Variants in MXRA7 observed in about 807,000 individuals in gnomAD.
MXRA7 encodes the protein matrix remodeling associated 7.
A neutral mutation model predicts 17.4 loss-of-function variants in MXRA7; 18 were observed. That is an observed-to-expected ratio of 1.03 (90% CI 0.71 to 1.53). The LOEUF (loss-of-function observed/expected upper bound fraction) is 1.53, where lower values mean the gene tolerates loss of function less well. Ranked by LOEUF, MXRA7 falls within the 40% of genes most tolerant of loss-of-function variation. MXRA7 has a pLI of 0.00. For synonymous variants in MXRA7, 70 were observed against 101.7 expected, an observed-to-expected ratio of 0.69 and a Z score of 1.87; for missense variants, 141 against 209.3, an observed-to-expected ratio of 0.67 and a Z score of 2.01.
At position 76,701,090 on chromosome 17, in the gene MXRA7, G is replaced by A. The variant is rs376221849; in HGVS notation, c.342+9515C>T. On this transcript the variant is annotated intron_variant, in intron 1 of 3. Coordinates refer to ENST00000449428, the MANE Select transcript of MXRA7 (RefSeq NM_198530.4). ...ACGCGGAGGGCTGTGAGCAGGGGCC[G>A]GGGGGTGTGCTCTCTGCGCTAGGAA... 3.2e-4 allele frequency among the ~76,000 whole-genome samples: 49 copies of A among 152,160 alleles called. 1 individual carries two copies. In the South Asian group the frequency reaches 9.1e-3, roughly 28 times the overall value.
intron 1 of MXRA7, among the ~76,000 whole-genome samples, chr17:76,702,949 T>G (rs1329821434): frequency 9.1e-6 from 1 of 109,296 alleles, no homozygotes; most frequent in Non-Finnish European, 2.2e-5. Flanking sequence ...GACTTGACTA[T>G]GGAGTAGGGT....
At chr17:76,687,031 G>A (rs1480353853) in intron 2 of MXRA7, among the ~76,000 whole-genome samples, 1 of 152,176 alleles carries the variant, frequency 6.6e-6, no homozygotes, top group Non-Finnish European at 1.5e-5. Context: ...TTGCCAAAGG[G>A]CCTCCCTCCC....
chr17:76,688,696 G>C (rs73996674), intron 1 of MXRA7: 1 of 1,234,488 alleles, frequency 8.1e-7, no homozygotes, highest in Admixed American at 4.2e-5. Context: ...CTCCCACACA[G>C]AGACACAATA....
intron 3 of MXRA7, among the ~76,000 whole-genome samples, chr17:76,683,599 G>A (rs1338443713): frequency 1.3e-5 from 2 of 152,184 alleles, no homozygotes; most frequent in African/African-American, 2.4e-5. Flanking sequence ...CAACCTGCCG[G>A]CCCATTAGGC....
intron 2 of MXRA7, 110 bp downstream of exon 2, chr17:76,688,002 CA>C: frequency 4.8e-6 from 4 of 838,578 alleles, no homozygotes; most frequent in East Asian, 5.4e-5. Context: ...GCCACTGTCC[CA>C]CCCCATCCCT....
chr17:76,683,748 G>A (rs78684537), intron 3 of MXRA7: 11,387 of 794,372 alleles, frequency 0.014, 191 homozygotes, highest in East Asian at 0.077. Context: ...TTATGAAGGC[G>A]ATGGAGGAGG....
chr17:76,688,573 G>A lies in MXRA7; in HGVS notation c.343-397C>T, dbSNP rs533779441. ...GGTGTCTGTCTGGGACCAGGGCCAGGCAGCATGGCCATCGCAGCCTCTGGC... is the reference window on the plus strand; with the variant it reads ...GGTGTCTGTCTGGGACCAGGGCCAGACAGCATGGCCATCGCAGCCTCTGGC... On this transcript the variant is annotated intron_variant, in intron 1 of 3. Transcript: ENST00000449428. The A allele has an allele frequency of 3.2e-6, 4 of 1,259,414 alleles. No individual in the cohort carries two copies. The East Asian group carries it at 9.3e-5, about 29-fold the overall frequency. 78.0% of individuals were successfully genotyped at this position (1,259,414 alleles called of 1,614,324 possible).
At chr17:76,679,286 T>G (rs1598331190), downstream of MXRA7, among the ~76,000 whole-genome samples, 1 of 47,598 alleles carries the variant, frequency 2.1e-5, no homozygotes, top group Non-Finnish European at 5.3e-5. Flanking sequence ...AGGCCCTGTC[T>G]CAAAAAAAAA....
At chr17:76,679,498 A>T (rs2076270713), downstream of MXRA7, 1 of 645,930 alleles carries the variant, frequency 1.5e-6, no homozygotes, top group Non-Finnish European at 1.9e-6. Flanking sequence ...AAATGAAAGA[A>T]AGGTCAAACT....
At chr17:76,701,308 CG>C (rs1294516567) in intron 1 of MXRA7, among the ~76,000 whole-genome samples, 1 of 151,318 alleles carries the variant, frequency 6.6e-6, no homozygotes, top group Non-Finnish European at 1.5e-5. Flanking sequence ...GTGAGGGAGG[CG>C]GGGACAACAA....
chr17:76,705,616 C>T (rs1376852054), intron 1 of MXRA7, among the ~76,000 whole-genome samples: 6 of 152,090 alleles, frequency 3.9e-5, no homozygotes, highest in African/African-American at 1.4e-4. Flanking sequence ...GAGATTTAGA[C>T]GAGGTCACGA....
At chr17:76,688,291 C>T in intron 1 of MXRA7, 115 bp from the exon 2 acceptor site, 1 of 1,519,082 alleles carries the variant, frequency 6.6e-7, no homozygotes, top group Non-Finnish European at 8.8e-7. Flanking sequence ...CCTGCCCACG[C>T]CCTGTGGCAG....
intron 1 of MXRA7, among the ~76,000 whole-genome samples, chr17:76,696,078 G>C (rs2076530361): frequency 6.6e-6 from 1 of 152,134 alleles, no homozygotes; most frequent in Non-Finnish European, 1.5e-5. Context: ...CTGGGTGACA[G>C]AGCGTGACTC....
At chr17:76,687,677 C>T (rs1473156559) in intron 2 of MXRA7, among the ~76,000 whole-genome samples, 1 of 152,256 alleles carries the variant, frequency 6.6e-6, no homozygotes, top group African/African-American at 2.4e-5. Context: ...GCCAGAGCTG[C>T]TTAGAAAGCA....
chr17:76,690,924 G>A (rs922697757), intron 1 of MXRA7, among the ~76,000 whole-genome samples: 1 of 152,116 alleles, frequency 6.6e-6, no homozygotes, highest in African/African-American at 2.4e-5. Flanking sequence ...AGGGGTGCTA[G>A]CAGCATGTTT....
intron 1 of MXRA7, among the ~76,000 whole-genome samples, chr17:76,701,963 A>G: frequency 6.6e-6 from 1 of 152,248 alleles, no homozygotes; most frequent in East Asian, 1.9e-4. Context: ...CTTCATTTAA[A>G]AAACAAAAAA....
At chr17:76,696,890 C>A (rs749160062) in intron 1 of MXRA7, among the ~76,000 whole-genome samples, 1 of 152,180 alleles carries the variant, frequency 6.6e-6, no homozygotes, top group African/African-American at 2.4e-5. Context: ...ACGAACCCAA[C>A]AGAGTACGCA....
chr17:76,706,468 A>T (rs528978496), intron 1 of MXRA7, among the ~76,000 whole-genome samples: 1 of 149,076 alleles, frequency 6.7e-6, no homozygotes, highest in South Asian at 2.2e-4. Context: ...ACTGCCATCA[A>T]AAAGGACCAC....
At chr17:76,684,113 C>T (rs1018602745) in intron 3 of MXRA7, among the ~76,000 whole-genome samples, 1 of 151,938 alleles carries the variant, frequency 6.6e-6, no homozygotes, top group African/African-American at 2.4e-5. Context: ...GGAGGGGAGA[C>T]AGGGCCTGTC....
Sources: gnomAD v4.1 joint callset for allele counts (sites outside exome capture counted in the v4.1 genomes callset) on GRCh38, gnomAD v4.1.1 for gene constraint, MANE v1.5 for transcripts, NCBI Gene and HGNC (gene_info 2026-07-23, HGNC 2026-07-21) for gene names.